HS3ST4: variants seen among roughly 807,000 people sequenced by gnomAD.
HS3ST4 encodes heparan sulfate-glucosamine 3-sulfotransferase 4.
A neutral mutation model predicts 29.2 loss-of-function variants in HS3ST4; 17 were observed. That is an observed-to-expected ratio of 0.58 (90% CI 0.40 to 0.87). HS3ST4 has a LOEUF of 0.87. HS3ST4 is among the 40% of genes least tolerant of loss of function. The pLI, the probability that HS3ST4 is intolerant of heterozygous loss-of-function variation, is 0.00. For missense variants in HS3ST4, 627 were observed against 634.5 expected, an observed-to-expected ratio of 0.99 and a Z score of 0.13; for synonymous variants, 314 against 285.7, an observed-to-expected ratio of 1.10 and a Z score of -1.00.
rs115288247 is a variant in HS3ST4, at chr16:25,894,470, G to A, written c.734+201319G>A. 4.3e-3 allele frequency among the ~76,000 whole-genome samples: 647 copies of A among 151,686 alleles called. 7 individuals carry two copies. The highest frequency in any genetic ancestry group is 0.015 in the African/African-American group (630 of 41,386). On this transcript the variant is annotated intron_variant, in intron 1 of 1. Transcript: ENST00000331351. ...TCTGGGATTTCTGTAATACTGTGGCGTCCTGTGGTGTAGGCCTCTTTTTCT... is the reference window on the plus strand; with the variant it reads ...TCTGGGATTTCTGTAATACTGTGGCATCCTGTGGTGTAGGCCTCTTTTTCT...
chr16:25,749,792 G>A lies in HS3ST4; in HGVS notation c.734+56641G>A, dbSNP rs59380016. Among the ~76,000 whole-genome samples, 276 of 152,122 alleles carry A rather than the reference G, an allele frequency of 1.8e-3. 1 individual carries two copies. The highest frequency in any genetic ancestry group is 6.2e-3 in the African/African-American group (259 of 41,518). On this transcript the variant is annotated intron_variant, in intron 1 of 1. Transcript: ENST00000331351. ...ATTCTTTGTTGTTGTTTTTATTATC[G>A]TTTTATTTTGATGATTCTTCCAAGA...
At chr16:25,899,490 G>T (rs1968101641) in intron 1 of HS3ST4, among the ~76,000 whole-genome samples, 1 of 140,772 alleles carries the variant, frequency 7.1e-6, no homozygotes, top group South Asian at 2.4e-4. Flanking sequence ...TATGCTGATT[G>T]AACTCCTTTT....
intron 1 of HS3ST4, among the ~76,000 whole-genome samples, chr16:26,056,244 T>C (rs907802040): frequency 6.6e-6 from 1 of 152,162 alleles, no homozygotes; most frequent in Non-Finnish European, 1.5e-5. Context: ...AAGTAGGTGG[T>C]TCAGTGTCAG....
chr16:25,724,364 AC>A (rs1310695790), intron 1 of HS3ST4, among the ~76,000 whole-genome samples: 32 of 86,086 alleles, frequency 3.7e-4, no homozygotes, highest in African/African-American at 1.1e-3. Flanking sequence ...GCTCCCCTCA[AC>A]TTTTTTTTTT....
chr16:25,888,133 A>C (rs1375799114), intron 1 of HS3ST4, among the ~76,000 whole-genome samples: 1 of 152,174 alleles, frequency 6.6e-6, no homozygotes, highest in Non-Finnish European at 1.5e-5. Flanking sequence ...TGTGGACTTC[A>C]GTTGGCCTCC....
intron 1 of HS3ST4, among the ~76,000 whole-genome samples, chr16:26,101,936 G>C (rs1898994768): frequency 6.6e-6 from 1 of 151,958 alleles, no homozygotes; most frequent in Non-Finnish European, 1.5e-5. Flanking sequence ...GTTCTCCTTA[G>C]ACAAAAGGTT....
At chr16:25,704,711 C>G (rs1238953750) in intron 1 of HS3ST4, among the ~76,000 whole-genome samples, 1 of 152,008 alleles carries the variant, frequency 6.6e-6, no homozygotes, top group Non-Finnish European at 1.5e-5. Context: ...AACCCCGTCT[C>G]TACTAAAAAC....
chr16:26,128,724 G>A (rs1386493742), intron 1 of HS3ST4, among the ~76,000 whole-genome samples: 4 of 152,176 alleles, frequency 2.6e-5, no homozygotes, highest in Non-Finnish European at 5.9e-5. Context: ...TCCAGTTTTT[G>A]CATCTCTATA....
At chr16:25,868,757 G>T (rs1967720586) in intron 1 of HS3ST4, among the ~76,000 whole-genome samples, 1 of 152,198 alleles carries the variant, frequency 6.6e-6, no homozygotes, top group African/African-American at 2.4e-5. Context: ...TCGTTAACCT[G>T]TAGTCATTGC....
At chr16:25,862,640 C>T (rs1011477660) in intron 1 of HS3ST4, among the ~76,000 whole-genome samples, 4 of 152,204 alleles carry the variant, frequency 2.6e-5, no homozygotes, top group African/African-American at 9.7e-5. Context: ...GTTGGGAACC[C>T]CTGTCGTACA....
chr16:26,051,183 C>T lies in HS3ST4; in HGVS notation c.735-84429C>T, dbSNP rs182199602. On this transcript the variant is annotated intron_variant, in intron 1 of 1. Coordinates refer to ENST00000331351, the MANE Select transcript of HS3ST4 (RefSeq NM_006040.3). ...CTAAGTCAGACTTGGTTCCTCCAAA[C>T]CCATTTGCAATCTCCCTTCCTGTGG... is the stretch of plus-strand genomic sequence containing the variant. Among the ~76,000 whole-genome samples the T allele has an allele frequency of 2.1e-3, 315 of 152,212 alleles. 3 individuals carry two copies. The highest frequency in any genetic ancestry group is 7.3e-3 in the African/African-American group (302 of 41,540).
chr16:26,002,210 A>T (rs1013888180), intron 1 of HS3ST4, among the ~76,000 whole-genome samples: 1 of 152,174 alleles, frequency 6.6e-6, no homozygotes, highest in African/African-American at 2.4e-5. Context: ...GAAGAGTCAA[A>T]TCTCCCTATG....
In HS3ST4 at chr16:25,993,746, C is replaced by T. The variant is rs542432128; in HGVS notation, c.735-141866C>T. Among the ~76,000 whole-genome samples, 4 of 151,992 alleles carry T rather than the reference C, an allele frequency of 2.6e-5. No individual in the cohort carries two copies. The South Asian group carries it at 6.2e-4, about 24-fold the overall frequency. On this transcript the variant is annotated intron_variant, in intron 1 of 1. Transcript: ENST00000331351. ...TCAGGAGTGGGTTGCTGACTGACAA[C>T]CTGGAATCTCTCTTGTCTTAGTCAA...
chr16:25,873,607 T>C (rs1967791766), intron 1 of HS3ST4, among the ~76,000 whole-genome samples: 1 of 151,226 alleles, frequency 6.6e-6, no homozygotes, highest in Non-Finnish European at 1.5e-5. Flanking sequence ...CATCCATCCA[T>C]CCACCCATCA....
intron 1 of HS3ST4, among the ~76,000 whole-genome samples, chr16:25,915,041 C>T (rs879916635): frequency 2.0e-5 from 3 of 151,664 alleles, no homozygotes; most frequent in East Asian, 3.9e-4. Context: ...TAGCCTCTAC[C>T]GGTTGGATGC....
At position 25,760,490 on chromosome 16, in the gene HS3ST4, C is replaced by T. The variant is rs142525516; in HGVS notation, c.734+67339C>T. 5.7e-3 allele frequency among the ~76,000 whole-genome samples: 846 copies of T among 148,960 alleles called. 7 individuals carry two copies. The highest frequency in any genetic ancestry group is 0.02 in the African/African-American group (803 of 40,360). ...CTGGAGTGCAGTGGAGCAATCTGGG[C>T]TCACTGCAACCTCCACCTCCCTGAT... On this transcript the variant is annotated intron_variant, in intron 1 of 1. Transcript: ENST00000331351.
intron 1 of HS3ST4, among the ~76,000 whole-genome samples, chr16:25,999,152 C>A (rs1969182580): frequency 1.3e-5 from 2 of 152,018 alleles, no homozygotes; most frequent in African/African-American, 2.4e-5. Flanking sequence ...GAGCAGTATT[C>A]TTAGAACCTA....
chr16:25,918,737 A>G (rs563713720), intron 1 of HS3ST4, among the ~76,000 whole-genome samples: 1 of 152,314 alleles, frequency 6.6e-6, no homozygotes, highest in South Asian at 2.1e-4. Flanking sequence ...CCTGGGAGGC[A>G]CAGGTTGCAG....
chr16:25,954,016 G>C (rs1480047197), intron 1 of HS3ST4, among the ~76,000 whole-genome samples: 1 of 152,124 alleles, frequency 6.6e-6, no homozygotes, highest in Non-Finnish European at 1.5e-5. Context: ...AGTCTCAGGT[G>C]CTTGCAAAAA....
Sources: allele counts gnomAD v4.1 joint callset (sites outside exome capture counted in the v4.1 genomes callset), GRCh38; gene constraint gnomAD v4.1.1; transcripts MANE v1.5; gene names NCBI Gene and HGNC (gene_info 2026-07-23, HGNC 2026-07-21).